Variants in MAGI1 observed in about 807,000 individuals in gnomAD.
MAGI1 encodes the protein membrane-associated guanylate kinase, WW and PDZ domain-containing protein 1.
A neutral mutation model predicts 139.9 loss-of-function variants in MAGI1; 58 were observed. The observed-to-expected ratio is 0.41, with a 90% CI of 0.34 to 0.52. The LOEUF (loss-of-function observed/expected upper bound fraction) is 0.52, where lower values mean the gene tolerates loss of function less well. Ranked by LOEUF, MAGI1 falls within the 20% of genes least tolerant of loss-of-function variation. The pLI, the probability that MAGI1 is intolerant of heterozygous loss-of-function variation, is 0.12. For missense variants in MAGI1, 1,874 were observed against 1,901.6 expected, an observed-to-expected ratio of 0.99 and a Z score of 0.27; for synonymous variants, 812 against 737.9, an observed-to-expected ratio of 1.10 and a Z score of -1.63.
At chr3:65,680,563 C>T (rs148256589) in intron 1 of MAGI1, among the ~76,000 whole-genome samples, 91 of 152,176 alleles carry the variant, frequency 6.0e-4, no homozygotes, top group African/African-American at 2.1e-3. Context: ...TACAAGCACA[C>T]ACCACCGCAC....
intron 1 of MAGI1, among the ~76,000 whole-genome samples, chr3:65,968,438 T>C (rs1167433718): frequency 6.6e-6 from 1 of 152,106 alleles, no homozygotes; most frequent in East Asian, 1.9e-4. Flanking sequence ...AAACTCCAAG[T>C]CATTGAAAAG....
chr3:65,924,598 AGCTT>A (rs1282601643), intron 1 of MAGI1, among the ~76,000 whole-genome samples: 1 of 152,208 alleles, frequency 6.6e-6, no homozygotes, highest in East Asian at 1.9e-4. Context: ...TGTAAGTCAC[AGCTT>A]GCTTAGAGTA....
chr3:65,523,086 A>G (rs557253261), intron 2 of MAGI1, among the ~76,000 whole-genome samples: 7 of 152,214 alleles, frequency 4.6e-5, no homozygotes, highest in South Asian at 2.1e-4. Flanking sequence ...ACCAGAATGT[A>G]TATTTCCTGG....
At chr3:65,662,114 G>A (rs569315287) in intron 1 of MAGI1, among the ~76,000 whole-genome samples, 10 of 152,094 alleles carry the variant, frequency 6.6e-5, no homozygotes, top group Non-Finnish European at 1.5e-4. Flanking sequence ...ACTTTCACAA[G>A]TTCAGGATGG....
At position 65,568,855 on chromosome 3, in the gene MAGI1, C is replaced by T. The variant is rs149510433; in HGVS notation, c.430+53117G>A. Reference sequence around the variant, plus strand: ...TGATTTCCAGGGTTACTTTATCCTCCGCATTTCCAAAGTTTCTATGACCTA... The same window carrying T: ...TGATTTCCAGGGTTACTTTATCCTCTGCATTTCCAAAGTTTCTATGACCTA... On this transcript the variant is annotated intron_variant, in intron 2 of 22. Transcript: ENST00000402939. 1.7e-3 allele frequency among the ~76,000 whole-genome samples: 265 copies of T among 152,238 alleles called. 1 individual carries two copies. Among genetic ancestry groups the T allele is most frequent in the Non-Finnish European group, 3.0e-3 (207 of 68,008 alleles).
intron 1 of MAGI1, among the ~76,000 whole-genome samples, chr3:65,956,491 A>C (rs1331699878): frequency 6.6e-6 from 1 of 152,238 alleles, no homozygotes; most frequent in African/African-American, 2.4e-5. Flanking sequence ...ACCAGGGTTA[A>C]AGCTAAACTC....
chr3:66,032,926 A>AC (rs1270996841), intron 1 of MAGI1, among the ~76,000 whole-genome samples: 26 of 150,234 alleles, frequency 1.7e-4, no homozygotes, highest in Admixed American at 5.3e-4. Flanking sequence ...AAAAAAAAAA[A>AC]AAAAAAAACA....
At chr3:65,588,556 T>C (rs1258242741) in intron 2 of MAGI1, among the ~76,000 whole-genome samples, 1 of 152,202 alleles carries the variant, frequency 6.6e-6, no homozygotes, top group Non-Finnish European at 1.5e-5. Context: ...AATGGTGAGA[T>C]GGGCAGTTCA....
chr3:65,577,646 C>G (rs543875975), intron 2 of MAGI1, among the ~76,000 whole-genome samples: 5 of 152,134 alleles, frequency 3.3e-5, no homozygotes, highest in African/African-American at 1.2e-4. Context: ...TCAACACCAC[C>G]AGTTTGCCTT....
chr3:65,821,713 C>T (rs1341473113), intron 1 of MAGI1, among the ~76,000 whole-genome samples: 3 of 152,154 alleles, frequency 2.0e-5, no homozygotes, highest in African/African-American at 7.2e-5. Flanking sequence ...GCAACATCAT[C>T]ATCACAATAC....
chr3:65,847,477 T>C (rs2059045677), intron 1 of MAGI1, among the ~76,000 whole-genome samples: 1 of 152,202 alleles, frequency 6.6e-6, no homozygotes, highest in Non-Finnish European at 1.5e-5. Context: ...AAATCTTTAA[T>C]TTCATATTCA....
chr3:65,691,307 A>AAAAAAAAAAAAAAAAAAAG (rs1388046202), intron 1 of MAGI1, among the ~76,000 whole-genome samples: 10 of 133,754 alleles, frequency 7.5e-5, no homozygotes, highest in South Asian at 2.3e-4. Context: ...CGTCTCAAAA[A>AAAAAAAAAAAAAAAAAAAG]AAAAAAAAGA....
At position 65,508,248 on chromosome 3, in the gene MAGI1, G is replaced by A. The variant is rs190644896; in HGVS notation, c.431-14617C>T. Among the ~76,000 whole-genome samples, 509 of 151,970 alleles carry A rather than the reference G, an allele frequency of 3.3e-3. 2 individuals carry two copies. The highest frequency in any genetic ancestry group is 4.5e-3 in the Non-Finnish European group (305 of 67,946). Reference sequence around the variant, plus strand: ...GAAACCCCGTCTCTACTAAAAATACGAAAAAGTTAGCCGGGCGTGGCAGTG... The same window carrying A: ...GAAACCCCGTCTCTACTAAAAATACAAAAAAGTTAGCCGGGCGTGGCAGTG... On this transcript the variant is annotated intron_variant, in intron 2 of 22. Coordinates refer to ENST00000402939, the MANE Select transcript of MAGI1 (RefSeq NM_001033057.2).
chr3:65,506,770 A>T (rs2077305049), intron 2 of MAGI1, among the ~76,000 whole-genome samples: 1 of 152,226 alleles, frequency 6.6e-6, no homozygotes, highest in Non-Finnish European at 1.5e-5. Context: ...TCTATAATTA[A>T]ATGAATGTGA....
At chr3:65,645,828 G>A (rs1298203757) in intron 1 of MAGI1, among the ~76,000 whole-genome samples, 3 of 151,840 alleles carry the variant, frequency 2.0e-5, no homozygotes, top group Non-Finnish European at 4.4e-5. Context: ...ATATACTTTT[G>A]AGTATATCTA....
chr3:65,457,455 TTAAGTA>T (rs1280509230), intron 5 of MAGI1, among the ~76,000 whole-genome samples: 1 of 152,184 alleles, frequency 6.6e-6, no homozygotes, highest in African/African-American at 2.4e-5. Context: ...ATGTACATGT[TTAAGTA>T]TATCTCTCCA....
At chr3:65,682,696 T>C (rs1429702181) in intron 1 of MAGI1, among the ~76,000 whole-genome samples, 2 of 152,108 alleles carry the variant, frequency 1.3e-5, no homozygotes, top group East Asian at 1.9e-4. Flanking sequence ...AAAAAGTTAC[T>C]AGGCATGACA....
chr3:65,638,234 C>T lies in MAGI1; in HGVS notation c.314-16146G>A, dbSNP rs1046906000. ...ATGAGGACTAAATGAGAATATACAACGTAATGCTCACTAATGTGAGCTACC... is the reference window on the plus strand; with the variant it reads ...ATGAGGACTAAATGAGAATATACAATGTAATGCTCACTAATGTGAGCTACC... On this transcript the variant is annotated intron_variant, in intron 1 of 22. Transcript: ENST00000402939. Among the ~76,000 whole-genome samples the T allele has an allele frequency of 4.6e-5, 7 of 152,226 alleles. No individual in the cohort carries two copies. The East Asian group carries it at 9.7e-4, about 21-fold the overall frequency.
chr3:65,404,447 C>T (rs9817156), intron 12 of MAGI1, among the ~76,000 whole-genome samples: 45,954 of 151,936 alleles, frequency 0.3, 7,845 homozygotes, highest in South Asian at 0.44. Context: ...TCCTCTTTGC[C>T]GGCTAGTTGC....
Sources: allele counts gnomAD v4.1 joint callset (sites outside exome capture counted in the v4.1 genomes callset), GRCh38; gene constraint gnomAD v4.1.1; transcripts MANE v1.5; gene names NCBI Gene and HGNC (gene_info 2026-07-23, HGNC 2026-07-21).